Variants in DCLK3 observed in about 807,000 individuals in gnomAD.
DCLK3 encodes the protein serine/threonine-protein kinase DCLK3.
Under a neutral mutation model 46.4 loss-of-function variants are expected in DCLK3, and 30 were observed. That is an observed-to-expected ratio of 0.65 (90% CI 0.48 to 0.88). The LOEUF (loss-of-function observed/expected upper bound fraction) is 0.88, where lower values mean the gene tolerates loss of function less well. DCLK3 is among the 40% of genes least tolerant of loss of function. The pLI is 0.00. For synonymous variants in DCLK3, 401 were observed against 339.2 expected, an observed-to-expected ratio of 1.18 and a Z score of -2.00; for missense variants, 846 against 907.1, an observed-to-expected ratio of 0.93 and a Z score of 0.87.
At chr3:36,735,145 G>A (rs902634975) in intron 2 of DCLK3, among the ~76,000 whole-genome samples, 2 of 151,520 alleles carry the variant, frequency 1.3e-5, no homozygotes, top group Non-Finnish European at 3.0e-5. Context: ...GGCCTCGAAA[G>A]GGATCTCTCC....
Position 36,737,210 on chromosome 3 carries a change from A to G in DCLK3, c.1957T>C (p.Leu653=). Residue 653 remains leucine (L), a splice_region_variant and synonymous_variant, in exon 2 of 5, where the codon TTG becomes CTG. Coordinates refer to ENST00000636136, the MANE Select transcript of DCLK3 (RefSeq NM_001394672.2). The surrounding 1 kb of genome is among the most constrained non-coding windows in gnomAD (Gnocchi z 4.4). ...TATCATCAAAAGTCAAGGCTTACCA[A>G]AAGGTTTTCCGGCTTGAGGTCCCGG... is the stretch of plus-strand genomic sequence containing the variant. The part of the protein sequence containing the change: ...VHRDLKPENL[L]VQRNEDKSTT... The G allele has an allele frequency of 1.9e-6, 3 of 1,611,778 alleles. No homozygotes were observed. The highest frequency in any genetic ancestry group is 2.5e-6 in the Non-Finnish European group (3 of 1,178,204).
In DCLK3 at chr3:36,721,662, G is replaced by A. The variant is rs763283304; in HGVS notation, c.1960-3C>T. The A allele has an allele frequency of 2.5e-6, 4 of 1,613,876 alleles. No homozygotes were observed. The highest frequency in any genetic ancestry group is 2.2e-5 in the East Asian group (1 of 44,874). On this transcript the variant is annotated splice_region_variant and splice_polypyrimidine_tract_variant and intron_variant, in intron 2 of 4. Coordinates refer to ENST00000636136, the MANE Select transcript of DCLK3 (RefSeq NM_001394672.2). The stretch of plus-strand genomic sequence containing the variant: ...GATTTGTCCTCATTTCGCTGAACCT[G>A]TAAGAAACCAAAATCCCCAAACCAC...
At chr3:36,717,148 C>T (rs79711608) in intron 4 of DCLK3, among the ~76,000 whole-genome samples, 3,207 of 152,302 alleles carry the variant, frequency 0.021, 94 homozygotes, top group African/African-American at 0.065. Context: ...GAACCAGGGT[C>T]TCTGTCACCC....
At chr3:36,722,177 A>C (rs1458385716) in intron 2 of DCLK3, among the ~76,000 whole-genome samples, 2 of 152,154 alleles carry the variant, frequency 1.3e-5, no homozygotes, top group African/African-American at 4.8e-5. Context: ...GAAAGGAAAA[A>C]GACTGGGAAT....
At chr3:36,731,511 C>T (rs1225725373) in intron 2 of DCLK3, among the ~76,000 whole-genome samples, 1 of 151,858 alleles carries the variant, frequency 6.6e-6, no homozygotes, top group African/African-American at 2.4e-5. Flanking sequence ...TACACACTGT[C>T]TACAGTATTC....
At chr3:36,721,733 C>G (rs2125522005) in intron 2 of DCLK3, 74 bp from the exon 3 acceptor site, 1 of 1,584,608 alleles carries the variant, frequency 6.3e-7, no homozygotes, top group Non-Finnish European at 8.6e-7. Flanking sequence ...GAAACAACAG[C>G]CATGCAAGGT....
intron 1 of DCLK3, among the ~76,000 whole-genome samples, chr3:36,760,038 G>C: frequency 6.6e-6 from 1 of 152,200 alleles, no homozygotes. Context: ...TTGGCCATTT[G>C]GCCAGGAAGA....
chr3:36,732,267 C>A (rs911086069), intron 2 of DCLK3, among the ~76,000 whole-genome samples: 1 of 152,222 alleles, frequency 6.6e-6, no homozygotes, highest in African/African-American at 2.4e-5. Context: ...TCGAAAGTAA[C>A]TTACAGAGGA....
At chr3:36,725,996 A>G (rs1034406205) in intron 2 of DCLK3, among the ~76,000 whole-genome samples, 4 of 152,216 alleles carry the variant, frequency 2.6e-5, no homozygotes, top group Non-Finnish European at 5.9e-5. Context: ...GATTTGATAC[A>G]AGATTATGAC....
chr3:36,722,738 A>T (rs1701077745), intron 2 of DCLK3, among the ~76,000 whole-genome samples: 2 of 152,168 alleles, frequency 1.3e-5, no homozygotes, highest in African/African-American at 2.4e-5. Context: ...TCCATGTAAG[A>T]TGTGACTTGC....
intron 1 of DCLK3, among the ~76,000 whole-genome samples, 157 bp from the exon 2 acceptor site, chr3:36,739,241 G>A (rs1701317730): frequency 6.6e-6 from 1 of 152,184 alleles, no homozygotes; most frequent in Non-Finnish European, 1.5e-5. Flanking sequence ...TTTATACTTA[G>A]GTCTAATTCC....
intron 2 of DCLK3, among the ~76,000 whole-genome samples, chr3:36,735,550 A>G (rs2063159): frequency 0.8 from 121,138 of 152,094 alleles, 48,663 homozygotes; most frequent in Middle Eastern, 0.88. Context: ...ACAGACAGGC[A>G]AATGCAACTG....
intron 1 of DCLK3, among the ~76,000 whole-genome samples, chr3:36,758,816 G>GA (rs1701511811): frequency 1.3e-5 from 2 of 152,142 alleles, no homozygotes; most frequent in Non-Finnish European, 2.9e-5. Flanking sequence ...AAACTGATGA[G>GA]AAAATTGAGC....
At chr3:36,758,632 C>T (rs1337221739) in intron 1 of DCLK3, among the ~76,000 whole-genome samples, 8 of 152,242 alleles carry the variant, frequency 5.3e-5, no homozygotes, top group Non-Finnish European at 4.4e-5. Flanking sequence ...CTAATCATGG[C>T]CTGCCAGTCT....
chr3:36,737,754 C>T lies in DCLK3; in HGVS notation c.1413G>A (p.Lys471=), dbSNP rs772654263. The T allele has an allele frequency of 2.5e-6, 4 of 1,614,052 alleles. No individual in the cohort carries two copies. Among genetic ancestry groups the T allele is most frequent in the African/African-American group, 1.3e-5 (1 of 74,926 alleles). ...GEEKEAEKEK[K]PCMSGGRRMT... ...TCCTTCTGCCTCCAGACATACATGG[C>T]TTTTTCTCCTTCTCTGCCTCCTTCT... The change falls in exon 2 of 5, where the codon AAG becomes AAA. Residue 471 remains lysine (K), a synonymous_variant. Coordinates refer to ENST00000636136, the MANE Select transcript of DCLK3 (RefSeq NM_001394672.2). This position sits in a 1 kb window ranked among gnomAD's most constrained non-coding sequence, Gnocchi z 4.4.
chr3:36,749,810 C>A (rs1469504242), intron 1 of DCLK3, among the ~76,000 whole-genome samples: 1 of 152,182 alleles, frequency 6.6e-6, no homozygotes, highest in Non-Finnish European at 1.5e-5. Flanking sequence ...AATTAAATGG[C>A]AAGCCAGTAA....
At position 36,713,405 on chromosome 3, in the gene DCLK3, CTT is replaced by C. The variant is rs1700936713; in HGVS notation, c.*1921_*1922del. ...TTAGTGAAATGAAGGTTACTGGTGT[CTT>C]TATCAAAATATGTTCTAGTAGCAAC... On this transcript the variant is annotated 3_prime_UTR_variant, in exon 5 of 5. Transcript: ENST00000636136. 2.6e-5 allele frequency: 4 copies of C among 152,194 alleles called. No individual in the cohort carries two copies. Among genetic ancestry groups the C allele is most frequent in the Admixed American group, 2.6e-4 (4 of 15,278 alleles). The allele number at this position is 152,194 out of a possible 1,614,324, so 9.4% of individuals were successfully genotyped here.
chr3:36,758,631 G>T (rs971223468), intron 1 of DCLK3, among the ~76,000 whole-genome samples: 2 of 152,210 alleles, frequency 1.3e-5, no homozygotes, highest in African/African-American at 4.8e-5. Context: ...CCTAATCATG[G>T]CCTGCCAGTC....
intron 1 of DCLK3, among the ~76,000 whole-genome samples, chr3:36,758,307 T>C (rs1701506273): frequency 6.6e-6 from 1 of 152,236 alleles, no homozygotes; most frequent in South Asian, 2.1e-4. Context: ...TACCACATAA[T>C]TTCACCATAT....
Sources: allele counts gnomAD v4.1 joint callset (sites outside exome capture counted in the v4.1 genomes callset), GRCh38; gene constraint gnomAD v4.1.1; non-coding constraint Gnocchi (gnomAD v3.1); transcripts MANE v1.5; gene names NCBI Gene and HGNC (gene_info 2026-07-23, HGNC 2026-07-21).